The following SMYD3 variants were observed in gnomAD, a reference collection of about 807,000 sequenced individuals.
The protein encoded by SMYD3 is histone-lysine N-methyltransferase SMYD3.
SMYD3 carries 36 observed loss-of-function variants against 57.7 expected under a neutral mutation model. That is an observed-to-expected ratio of 0.62 (90% CI 0.48 to 0.82). SMYD3 has a LOEUF of 0.82. Ranked by LOEUF, SMYD3 falls within the 40% of genes least tolerant of loss-of-function variation. SMYD3 has a pLI of 0.00. For synonymous variants in SMYD3, 211 were observed against 195.0 expected, an observed-to-expected ratio of 1.08 and a Z score of -0.68; for missense variants, 515 against 538.8, an observed-to-expected ratio of 0.96 and a Z score of 0.44.
chr1:246,120,114 C>T (rs116688886), intron 5 of SMYD3, among the ~76,000 whole-genome samples: 406 of 152,156 alleles, frequency 2.7e-3, no homozygotes, highest in African/African-American at 9.3e-3. Flanking sequence ...AACTTAGCAA[C>T]GCCTGTTTGT....
chr1:245,812,980 T>C (rs2048565110), intron 10 of SMYD3, among the ~76,000 whole-genome samples: 1 of 146,164 alleles, frequency 6.8e-6, no homozygotes, highest in Non-Finnish European at 1.5e-5. Context: ...GAGGAAGGCA[T>C]GGAGCCATGG....
At chr1:246,320,531 G>A (rs558258042) in intron 5 of SMYD3, among the ~76,000 whole-genome samples, 3 of 152,246 alleles carry the variant, frequency 2.0e-5, no homozygotes, top group African/African-American at 4.8e-5. Flanking sequence ...ATGTTCTGTG[G>A]TCAGGAAGGT....
chr1:246,081,912 G>T lies in SMYD3; in HGVS notation c.532-151975C>A, dbSNP rs75402121. On this transcript the variant is annotated intron_variant, in intron 5 of 11. Coordinates refer to ENST00000490107, the MANE Select transcript of SMYD3 (RefSeq NM_001167740.2). ...TTTTTTAAAGAAAGAATTTAAAATA[G>T]AAGTATTTATTTCTTTCAAGTTAGC... Among the ~76,000 whole-genome samples the T allele has an allele frequency of 8.1e-3, 1,230 of 152,316 alleles. 20 individuals are homozygous for T. Among genetic ancestry groups the T allele is most frequent in the African/African-American group, 0.028 (1,182 of 41,572 alleles).
chr1:246,157,702 T>C (rs2062043769), intron 5 of SMYD3, among the ~76,000 whole-genome samples: 1 of 152,188 alleles, frequency 6.6e-6, no homozygotes, highest in Non-Finnish European at 1.5e-5. Flanking sequence ...CAATCTGTTG[T>C]TGTGGTTAAT....
At chr1:246,017,738 G>A (rs574489650) in intron 5 of SMYD3, among the ~76,000 whole-genome samples, 5 of 152,288 alleles carry the variant, frequency 3.3e-5, no homozygotes, top group African/African-American at 7.2e-5. Context: ...AAGAATTTGG[G>A]AGTGGGGAGA....
chr1:245,765,347 C>T lies in SMYD3; in HGVS notation c.1077-1198G>A, dbSNP rs138610331. Among the ~76,000 whole-genome samples the T allele has an allele frequency of 6.4e-3, 976 of 151,870 alleles. 10 individuals are homozygous for T. Among genetic ancestry groups the T allele is most frequent in the African/African-American group, 0.021 (878 of 41,404 alleles). ...TGGAGGCTGAGGCTGCAGTTTCACA[C>T]CACTGCACTCCACCCTGGGTGACAG... On this transcript the variant is annotated intron_variant, in intron 10 of 11. Coordinates refer to ENST00000490107, the MANE Select transcript of SMYD3 (RefSeq NM_001167740.2).
chr1:246,397,759 CG>C (rs2066696016), intron 1 of SMYD3, among the ~76,000 whole-genome samples: 1 of 151,950 alleles, frequency 6.6e-6, no homozygotes, highest in African/African-American at 2.4e-5. Flanking sequence ...CCCACAAGCT[CG>C]GGGACCAGGG....
At chr1:245,864,146 A>G (rs112398360) in intron 8 of SMYD3, among the ~76,000 whole-genome samples, 4 of 152,338 alleles carry the variant, frequency 2.6e-5, no homozygotes, top group African/African-American at 9.6e-5. Flanking sequence ...TACACTGCAC[A>G]TGAGAATGCA....
At chr1:246,324,969 G>C (rs1225101990) in intron 5 of SMYD3, among the ~76,000 whole-genome samples, 2 of 139,134 alleles carry the variant, frequency 1.4e-5, no homozygotes, top group Non-Finnish European at 3.1e-5. Flanking sequence ...TCATGAACAA[G>C]GAAGGAGAAG....
At position 246,276,262 on chromosome 1, in the gene SMYD3, ACT is replaced by A. The variant is rs1171459512; in HGVS notation, c.531+50937_531+50938del. The stretch of plus-strand genomic sequence containing the variant: ...GTCTGATGCCCATGTTTGAATACTA[ACT>A]CTGTTTTTTCACTAGCCGTATTAAC... On this transcript the variant is annotated intron_variant, in intron 5 of 11. Transcript: ENST00000490107. 3.3e-5 allele frequency among the ~76,000 whole-genome samples: 4 copies of A among 122,664 alleles called. 1 individual carries two copies. The highest frequency in any genetic ancestry group is 6.9e-5 in the Non-Finnish European group (4 of 57,828). 80.5% of individuals were successfully genotyped at this position (122,664 alleles called of 152,430 possible).
At position 245,991,464 on chromosome 1, in the gene SMYD3, G is replaced by A. The variant is rs1450470123; in HGVS notation, c.532-61527C>T. 2.0e-5 allele frequency among the ~76,000 whole-genome samples: 3 copies of A among 152,360 alleles called. No homozygotes were observed. In the East Asian group the frequency reaches 5.8e-4, roughly 29 times the overall value. Reference sequence around the variant, plus strand: ...TTCTGAGGGTCAGGAATCCAGGAGTGTCTTAGCTGCCATGGTTCCGCCTCA... The same window carrying A: ...TTCTGAGGGTCAGGAATCCAGGAGTATCTTAGCTGCCATGGTTCCGCCTCA... On this transcript the variant is annotated intron_variant, in intron 5 of 11. Coordinates refer to ENST00000490107, the MANE Select transcript of SMYD3 (RefSeq NM_001167740.2).
chr1:245,785,154 T>A (rs2046984046), intron 10 of SMYD3, among the ~76,000 whole-genome samples: 1 of 151,870 alleles, frequency 6.6e-6, no homozygotes, highest in Admixed American at 6.6e-5. Context: ...AGTGCTGGAA[T>A]TACAGGCATG....
chr1:246,171,156 T>A (rs887866325), intron 5 of SMYD3, among the ~76,000 whole-genome samples: 8 of 152,208 alleles, frequency 5.3e-5, no homozygotes, highest in African/African-American at 1.9e-4. Flanking sequence ...TTGGGTGAGG[T>A]AGAACCAATG....
intron 5 of SMYD3, among the ~76,000 whole-genome samples, chr1:246,175,478 C>T (rs911417212): frequency 6.6e-6 from 1 of 152,078 alleles, no homozygotes; most frequent in Non-Finnish European, 1.5e-5. Flanking sequence ...AGAAGTACTC[C>T]AGACTTGAAA....
chr1:246,451,613 C>T (rs1022454922), intron 1 of SMYD3, among the ~76,000 whole-genome samples: 2 of 152,158 alleles, frequency 1.3e-5, no homozygotes, highest in African/African-American at 4.8e-5. Flanking sequence ...CAAGGGTGAA[C>T]GCTAATGTAA....
At chr1:246,186,821 C>T (rs1317082101) in intron 5 of SMYD3, 4 of 985,398 alleles carry the variant, frequency 4.1e-6, no homozygotes. Flanking sequence ...ACATTCCGGT[C>T]TTCTGCTTCC....
At chr1:246,275,652 C>T (rs6679715) in intron 5 of SMYD3, among the ~76,000 whole-genome samples, 2 of 135,574 alleles carry the variant, frequency 1.5e-5, no homozygotes, top group South Asian at 2.4e-4. Flanking sequence ...TATTTAATGC[C>T]TCTAGTGGAG....
At chr1:246,016,608 A>C (rs2059381332) in intron 5 of SMYD3, among the ~76,000 whole-genome samples, 1 of 152,046 alleles carries the variant, frequency 6.6e-6, no homozygotes, top group Non-Finnish European at 1.5e-5. Context: ...AAAAAGAAAA[A>C]GAAACAGAAC....
intron 5 of SMYD3, among the ~76,000 whole-genome samples, chr1:246,263,190 T>C (rs1248085425): frequency 2.0e-5 from 3 of 152,122 alleles, no homozygotes; most frequent in South Asian, 2.1e-4. Context: ...ATGGATAAGG[T>C]TGAATGTTAG....
Sources: gnomAD v4.1 joint callset for allele counts (sites outside exome capture counted in the v4.1 genomes callset) on GRCh38, gnomAD v4.1.1 for gene constraint, MANE v1.5 for transcripts, NCBI Gene and HGNC (gene_info 2026-07-23, HGNC 2026-07-21) for gene names.